FLT4: variants seen among roughly 807,000 people sequenced by gnomAD.
FLT4 encodes vascular endothelial growth factor receptor 3.
Under a neutral mutation model 163.2 loss-of-function variants are expected in FLT4, and 30 were observed. That is an observed-to-expected ratio of 0.18 (90% CI 0.14 to 0.25). FLT4 has a LOEUF of 0.25. Ranked by LOEUF, FLT4 falls within the 10% of genes least tolerant of loss-of-function variation. The pLI, the probability that FLT4 is intolerant of heterozygous loss-of-function variation, is 1.00. For missense variants in FLT4, 1,510 were observed against 1,863.8 expected, an observed-to-expected ratio of 0.81 and a Z score of 3.50; for synonymous variants, 884 against 789.5, an observed-to-expected ratio of 1.12 and a Z score of -2.01.
Position 180,630,435 on chromosome 5 carries a change from C to G in FLT4, c.401-98G>C. 6.4e-7 allele frequency: 1 copy of G among 1,553,800 alleles called. No individual in the cohort carries two copies. The highest frequency in any genetic ancestry group is 8.8e-7 in the Non-Finnish European group (1 of 1,139,886). The stretch of plus-strand genomic sequence containing the variant: ...TGGTGCTGGTCCTGAACCAGCCACC[C>G]GCTGGAGCAGGTAGGGCCCCGTTCT... On this transcript the variant is annotated intron_variant, in intron 3 of 29. Transcript: ENST00000261937. This position sits in a 1 kb window ranked among gnomAD's most constrained non-coding sequence, Gnocchi z 6.3.
chr5:180,602,759 C>T lies in FLT4; in HGVS notation c.*433G>A, dbSNP rs1761581984. 3 of 468,304 alleles carry T rather than the reference C, an allele frequency of 6.4e-6. No individual in the cohort carries two copies. The highest frequency in any genetic ancestry group is 7.4e-5 in the Admixed American group (2 of 26,952). 29.0% of individuals were successfully genotyped at this position (468,304 alleles called of 1,614,324 possible). ...AGCTGTGTGCCTGAGGAGGAAAGGG[C>T]GTTTGGGAGACCTCTGCTCTCGTAT... On this transcript the variant is annotated 3_prime_UTR_variant, in exon 30 of 30. Transcript: ENST00000261937.
intron 8 of FLT4, among the ~76,000 whole-genome samples, chr5:180,626,940 A>G (rs892045442): frequency 1.3e-5 from 2 of 152,132 alleles, no homozygotes; most frequent in African/African-American, 2.4e-5. Flanking sequence ...TGACTGTCCT[A>G]TGCTGTGGCC....
chr5:180,614,855 T>A (rs1762513611), intron 23 of FLT4, among the ~76,000 whole-genome samples: 1 of 151,696 alleles, frequency 6.6e-6, no homozygotes, highest in Non-Finnish European at 1.5e-5. Context: ...CCTGGGCCCA[T>A]CCTGCTCCTC....
At chr5:180,606,058 C>T (rs568445345) in intron 29 of FLT4, among the ~76,000 whole-genome samples, 34 of 152,222 alleles carry the variant, frequency 2.2e-4, no homozygotes, top group Non-Finnish European at 4.3e-4. Context: ...ATTCTGTATG[C>T]CAAGCGGATG....
At position 180,602,805 on chromosome 5, in the gene FLT4, G is replaced by A. The variant is rs1410210924; in HGVS notation, c.*387C>T. 1 of 548,842 alleles carries A rather than the reference G, an allele frequency of 1.8e-6. No individual in the cohort carries two copies. Among genetic ancestry groups the A allele is most frequent in the African/African-American group, 1.9e-5 (1 of 53,296 alleles). The allele number at this position is 548,842 out of a possible 1,614,324, so 34.0% of individuals were successfully genotyped here. A position where few individuals can be genotyped will look rare whatever the true frequency, so the allele number is the denominator to read the frequency against. Reference sequence around the variant, plus strand: ...CGTATGCCTTAACCTCCAACACTGTGTGACTCCCAGACCCACAGATTCCTC... The same window carrying A: ...CGTATGCCTTAACCTCCAACACTGTATGACTCCCAGACCCACAGATTCCTC... On this transcript the variant is annotated 3_prime_UTR_variant, in exon 30 of 30. Transcript: ENST00000261937.
At position 180,616,606 on chromosome 5, in the gene FLT4, G is replaced by A. The variant is rs1269640664; in HGVS notation, c.3097-117C>T. On this transcript the variant is annotated intron_variant, in intron 22 of 29. Transcript: ENST00000261937. ...ACCATGGGGATGCCCTGCCTGAACT[G>A]TGCTCCTTTGGGGAAGGATTCCCAT... 9 of 1,156,228 alleles carry A rather than the reference G, an allele frequency of 7.8e-6. No homozygotes were observed. In the African/African-American group the frequency reaches 9.1e-5, roughly 12 times the overall value. 71.6% of individuals were successfully genotyped at this position (1,156,228 alleles called of 1,614,324 possible). A position where few individuals can be genotyped will look rare whatever the true frequency, so the allele number is the denominator to read the frequency against.
At chr5:180,649,225 T>A (rs930882074) in intron 1 of FLT4, among the ~76,000 whole-genome samples, 1 of 151,692 alleles carries the variant, frequency 6.6e-6, no homozygotes, top group Non-Finnish European at 1.5e-5. Context: ...GAGACGCGGA[T>A]TCAGGGGCCG....
Position 180,620,058 on chromosome 5 carries a change from G to A in FLT4, c.2542+115C>T. On this transcript the variant is annotated intron_variant, in intron 17 of 29. Transcript: ENST00000261937. This position sits in a 1 kb window ranked among gnomAD's most constrained non-coding sequence, Gnocchi z 4.4. Reference sequence around the variant, plus strand: ...TACCCACGCCCACAGGGACAGGTCAGGCCAGGCGGAACTTCCTGGTGCAAG... The same window carrying A: ...TACCCACGCCCACAGGGACAGGTCAAGCCAGGCGGAACTTCCTGGTGCAAG... 1 of 1,350,256 alleles carries A rather than the reference G, an allele frequency of 7.4e-7. No individual in the cohort carries two copies. The highest frequency in any genetic ancestry group is 1.0e-6 in the Non-Finnish European group (1 of 977,594). 83.6% of individuals were successfully genotyped at this position (1,350,256 alleles called of 1,614,324 possible).
Position 180,617,005 on chromosome 5 carries a change from G to C in FLT4, c.3002-11C>G. 1 of 1,609,648 alleles carries C rather than the reference G, an allele frequency of 6.2e-7. No individual in the cohort carries two copies. Among genetic ancestry groups the C allele is most frequent in the Non-Finnish European group, 8.5e-7 (1 of 1,176,984 alleles). On this transcript the variant is annotated splice_polypyrimidine_tract_variant and intron_variant, in intron 21 of 29. Coordinates refer to ENST00000261937, the MANE Select transcript of FLT4 (RefSeq NM_182925.5). ...GCCACAGGTCCTCAGCTACACAGTG[G>C]AGCCAGGTGGGCTCAGGAGGCGCCT...
In FLT4 at chr5:180,625,955, G is replaced by A. The variant is rs2127826973; in HGVS notation, c.1335C>T (p.Cys445=). 6.2e-7 allele frequency: 1 copy of A among 1,612,796 alleles called. No individual in the cohort carries two copies. Among genetic ancestry groups the A allele is most frequent in the South Asian group, 1.1e-5 (1 of 91,076 alleles). Residue 445 remains cysteine (C), a synonymous_variant, in exon 10 of 30, where the codon TGC becomes TGT. Transcript: ENST00000261937. ...GAGGCAGGGGCACCCCGTAGGCCGT[G>A]CAGGTGAGGGCCTGGCGGCTGTGAC... ...YSRHSRQALT[C]TAYGVPLPLS... is the part of the protein sequence containing the mutation.
chr5:180,625,815 C>T lies in FLT4; in HGVS notation c.1421+54G>A, dbSNP rs1270340456. 6.4e-6 allele frequency: 10 copies of T among 1,558,138 alleles called. No homozygotes were observed. In the African/African-American group the frequency reaches 8.1e-5, roughly 13 times the overall value. On this transcript the variant is annotated intron_variant, in intron 10 of 29. Transcript: ENST00000261937. ...GTGCTGTAAAGGAGGTTCCTCATGGCTGAGGCTGGGGGCTGTGGCTGTGCA... is the reference window on the plus strand; with the variant it reads ...GTGCTGTAAAGGAGGTTCCTCATGGTTGAGGCTGGGGGCTGTGGCTGTGCA...
Position 180,628,992 on chromosome 5 carries a change from G to A in FLT4, c.993C>T (p.Pro331=), listed in dbSNP as rs370278375. ...CTTTGAGCCACTCGACGCTGATGAA[G>A]GGATTTTCTGCCGGACAGGAGAAGT... ...ESTEVIVHEN[P]FISVEWLKGP... The change falls in exon 8 of 30, where the codon CCC becomes CCT. Residue 331 remains proline, a synonymous_variant. Transcript: ENST00000261937. 9 of 1,611,754 alleles carry A rather than the reference G, an allele frequency of 5.6e-6. No homozygotes were observed. Among genetic ancestry groups the A allele is most frequent in the Non-Finnish European group, 7.6e-6 (9 of 1,179,048 alleles).
chr5:180,645,446 G>A (rs1273583974), intron 1 of FLT4, among the ~76,000 whole-genome samples: 1 of 152,240 alleles, frequency 6.6e-6, no homozygotes, highest in Non-Finnish European at 1.5e-5. Context: ...AGCTGGCGCA[G>A]AGGTGGCCCC....
intron 26 of FLT4, 91 bp downstream of exon 26, chr5:180,612,415 G>A (rs1169534002): frequency 3.2e-6 from 3 of 924,194 alleles, no homozygotes; most frequent in African/African-American, 3.2e-5. Flanking sequence ...GAGGTGGGCA[G>A]AGCCTAGATG....
chr5:180,634,312 T>C (rs1445234010), intron 1 of FLT4, among the ~76,000 whole-genome samples: 2 of 152,178 alleles, frequency 1.3e-5, no homozygotes, highest in Non-Finnish European at 2.9e-5. Context: ...GACTGAACTG[T>C]GGTTTTATGA....
chr5:180,629,646 T>C, intron 6 of FLT4, 50 bp downstream of exon 6: 2 of 1,593,114 alleles, frequency 1.3e-6, no homozygotes, highest in Non-Finnish European at 1.7e-6. Context: ...TGCTGTACAG[T>C]CACAGGGACT....
intron 1 of FLT4, among the ~76,000 whole-genome samples, chr5:180,632,327 C>A (rs560303438): frequency 7.1e-6 from 1 of 140,674 alleles, no homozygotes; most frequent in African/African-American, 2.5e-5. Flanking sequence ...TCCCAGGCCA[C>A]GTGGTGTCAC....
At position 180,628,948 on chromosome 5, in the gene FLT4, G is replaced by T. The variant is rs1309857166; in HGVS notation, c.1037C>A (p.Thr346Lys). The T allele has an allele frequency of 1.9e-6, 3 of 1,612,626 alleles. No homozygotes were observed. Among genetic ancestry groups the T allele is most frequent in the Non-Finnish European group, 2.5e-6 (3 of 1,179,950 alleles). Residue 346 changes from threonine to lysine, a missense_variant, in exon 8 of 30, where the codon ACG becomes AAG. Thr to Lys is a moderately conservative substitution (Grantham distance 78). Around this residue, in one of 5 missense-constraint regions of FLT4, gnomAD observed 878 missense variants for 1,016.7 expected, o/e 0.86. Coordinates refer to ENST00000261937, the MANE Select transcript of FLT4 (RefSeq NM_182925.5). ...CAGCTTCACCAGCTCGTCTCCTGCC[G>T]TGGCCTCCAGGATGGGTCCTTTGAG... Reference protein sequence around the residue: ...EWLKGPILEATAGDELVKLPV... With the variant: ...EWLKGPILEAKAGDELVKLPV...
In FLT4 at chr5:180,616,459, T is replaced by C; in HGVS notation, c.3127A>G (p.Ile1043Val). 2 of 1,613,922 alleles carry C rather than the reference T, an allele frequency of 1.2e-6. No individual in the cohort carries two copies. The highest frequency in any genetic ancestry group is 1.3e-5 in the African/African-American group (1 of 75,056). The change falls in exon 23 of 30, where the codon ATT (isoleucine) becomes GTT (valine). Residue 1043 changes from isoleucine to valine, a missense_variant. By Grantham distance (29) the Ile-to-Val change is conservative. Coordinates refer to ENST00000261937, the MANE Select transcript of FLT4 (RefSeq NM_182925.5). ...ACCACGTCGCTTTCCGACAGCAGAA[T>C]GTTCCGAGCAGCCAGGTCTCTGTGG... ...CIHRDLAARN[I>V]LLSESDVVKI...
Sources: allele counts gnomAD v4.1 joint callset (sites outside exome capture counted in the v4.1 genomes callset), GRCh38; gene constraint gnomAD v4.1.1; regional missense constraint gnomAD v4.1.1; non-coding constraint Gnocchi (gnomAD v3.1); transcripts MANE v1.5; gene names NCBI Gene and HGNC (gene_info 2026-07-23, HGNC 2026-07-21).